SECISBP2: variants seen among roughly 807,000 people sequenced by gnomAD.
The protein encoded by SECISBP2 is SECIS binding protein 2, also known as selenocysteine insertion sequence-binding protein 2.
In SECISBP2, 96 loss-of-function variants were observed where a neutral mutation model predicts 98.2. The ratio of observed to expected loss-of-function variants is 0.98; its 90% CI spans 0.83 to 1.16. The LOEUF is 1.16. Ranked by LOEUF, SECISBP2 falls within the 50% of genes most tolerant of loss-of-function variation. The pLI is 0.00. For synonymous variants in SECISBP2, 407 were observed against 370.2 expected, an observed-to-expected ratio of 1.10 and a Z score of -1.14; for missense variants, 1,046 against 1,022.9, an observed-to-expected ratio of 1.02 and a Z score of -0.31.
intron 2 of SECISBP2, among the ~76,000 whole-genome samples, chr9:89,320,355 CAAAAAAAAAAAAAA>C (rs776426275): frequency 7.7e-5 from 4 of 51,960 alleles, no homozygotes; most frequent in African/African-American, 1.9e-4. Context: ...GACTCTGTCT[CAAAAAAAAAAAAAA>C]AAAAAAAAAA....
chr9:89,357,406 A>G lies in SECISBP2; in HGVS notation c.2114-5A>G. 6.2e-7 allele frequency: 1 copy of G among 1,614,098 alleles called. No individual in the cohort carries two copies. Among genetic ancestry groups the G allele is most frequent in the Non-Finnish European group, 8.5e-7 (1 of 1,180,040 alleles). On this transcript the variant is annotated splice_region_variant and splice_polypyrimidine_tract_variant and intron_variant, in intron 14 of 16. Transcript: ENST00000375807. The stretch of plus-strand genomic sequence containing the variant: ...TCCTGTCATTTTTCATTGTCCTTTG[A>G]CCAGGTGGGCTGGATGACACTTTGC...
Position 89,319,767 on chromosome 9 carries a change from A to G in SECISBP2, c.152A>G (p.Tyr51Cys), listed in dbSNP as rs1338930701. The change falls in exon 2 of 17, where the codon TAT becomes TGT. Residue 51 changes from tyrosine to cysteine, a missense_variant. Coordinates refer to ENST00000375807, the MANE Select transcript of SECISBP2 (RefSeq NM_024077.5). ...CVFPSSAATY[Y>C]PFVQEPPVTE... ...TTCCCCAGCTCTGCAGCCACATACT[A>G]TCCGTTTGTTCAGGAACCACCAGTG... 2 of 1,614,024 alleles carry G rather than the reference A, an allele frequency of 1.2e-6. No individual in the cohort carries two copies. Among genetic ancestry groups the G allele is most frequent in the African/African-American group, 1.3e-5 (1 of 74,904 alleles).
chr9:89,349,814 G>A lies in SECISBP2; in HGVS notation c.1777G>A (p.Val593Ile). Reference protein sequence around the residue: ...GMDELISTPSVEDKSEEPPGT... With the variant: ...GMDELISTPSIEDKSEEPPGT... ...GGACGAACTGATCTCCACTCCTTCGGTTGAGGACAAGTCTGAAGAGCCACC... is the reference window on the plus strand; with the variant it reads ...GGACGAACTGATCTCCACTCCTTCGATTGAGGACAAGTCTGAAGAGCCACC... Residue 593 changes from valine to isoleucine, a missense_variant, in exon 13 of 17, where the codon GTT becomes ATT. Val to Ile is a conservative substitution (Grantham distance 29, BLOSUM62 3). Coordinates refer to ENST00000375807, the MANE Select transcript of SECISBP2 (RefSeq NM_024077.5). The A allele has an allele frequency of 6.2e-7, 1 of 1,614,212 alleles. No individual in the cohort carries two copies. The highest frequency in any genetic ancestry group is 8.5e-7 in the Non-Finnish European group (1 of 1,180,040).
chr9:89,328,917 T>C, intron 5 of SECISBP2, 31 bp downstream of exon 5: 1 of 1,516,012 alleles, frequency 6.6e-7, no homozygotes. Context: ...TTTTTCTTTT[T>C]CCTTTGTACA....
intron 2 of SECISBP2, among the ~76,000 whole-genome samples, chr9:89,320,499 G>C (rs2131522534): frequency 6.6e-6 from 1 of 152,212 alleles, no homozygotes; most frequent in East Asian, 1.9e-4. Flanking sequence ...TCCTTTTTAA[G>C]GTTAACATTT....
downstream of SECISBP2, chr9:89,363,816 C>T (rs147231520): frequency 1.3e-4 from 214 of 1,614,086 alleles, no homozygotes; most frequent in African/African-American, 2.2e-3. Context: ...CGATACTCAG[C>T]GCTTTCCCTG....
downstream of SECISBP2, chr9:89,362,192 A>T (rs117120897): frequency 0.011 from 7,586 of 711,094 alleles, 162 homozygotes; most frequent in South Asian, 0.059. Flanking sequence ...TTTAAGTCTT[A>T]GTTCCTGTCA....
intron 15 of SECISBP2, among the ~76,000 whole-genome samples, 172 bp from the exon 16 acceptor site, chr9:89,357,827 C>T (rs1355606326): frequency 6.6e-6 from 1 of 152,146 alleles, no homozygotes; most frequent in East Asian, 1.9e-4. Context: ...AAGAAGTCGG[C>T]CTAGCCCACT....
chr9:89,335,170 C>T (rs986222478), intron 7 of SECISBP2, among the ~76,000 whole-genome samples: 6 of 148,166 alleles, frequency 4.0e-5, no homozygotes, highest in Non-Finnish European at 7.4e-5. Flanking sequence ...GAGCCAAGAT[C>T]GCACCAGTGC....
chr9:89,341,529 T>C, intron 10 of SECISBP2, 50 bp downstream of exon 10: 1 of 1,604,750 alleles, frequency 6.2e-7, no homozygotes, highest in South Asian at 1.1e-5. Flanking sequence ...CTTTTTCAGC[T>C]AGATTATTAT....
chr9:89,338,433 T>A, intron 7 of SECISBP2, 25 bp from the exon 8 acceptor site: 1 of 1,612,450 alleles, frequency 6.2e-7, no homozygotes, highest in Non-Finnish European at 8.5e-7. Flanking sequence ...AAAACAGGAT[T>A]TTTTGCTTTG....
chr9:89,351,198 C>G (rs1185110210), intron 14 of SECISBP2, among the ~76,000 whole-genome samples: 1 of 152,202 alleles, frequency 6.6e-6, no homozygotes. Flanking sequence ...TGCCTGGCAG[C>G]CAGGCAGTAC....
chr9:89,353,263 G>A (rs920635849), intron 14 of SECISBP2, among the ~76,000 whole-genome samples: 5 of 152,178 alleles, frequency 3.3e-5, no homozygotes, highest in African/African-American at 1.2e-4. Context: ...GAGAACTTCT[G>A]CTGTAGGATG....
intron 14 of SECISBP2, among the ~76,000 whole-genome samples, chr9:89,353,376 G>A (rs1831578592): frequency 6.6e-6 from 1 of 152,152 alleles, no homozygotes; most frequent in Admixed American, 6.5e-5. Flanking sequence ...CTGCCTGGAG[G>A]GACAGGCGAA....
At chr9:89,353,493 A>G (rs1831599011) in intron 14 of SECISBP2, among the ~76,000 whole-genome samples, 1 of 152,184 alleles carries the variant, frequency 6.6e-6, no homozygotes, top group Admixed American at 6.5e-5. Context: ...GGGGCTGGAC[A>G]CCGAGTTGCC....
In SECISBP2 at chr9:89,325,587, C is replaced by T; in HGVS notation, c.343C>T (p.Gln115Ter). The part of the protein sequence containing the change: ...SVPGSQYLYN[Q>*]PSCYRGFQTV... The stretch of plus-strand genomic sequence containing the variant: ...GCCTGGCTCCCAGTATCTTTATAAC[C>T]AACCCAGTTGTTACCGAGGTTTTCA... The change falls in exon 3 of 17, where the codon CAA becomes TAA. Residue 115 changes from glutamine (Q) to a stop codon, truncating the protein, a stop_gained. Coordinates refer to ENST00000375807, the MANE Select transcript of SECISBP2 (RefSeq NM_024077.5). LOFTEE classifies it high-confidence loss of function. The T allele has an allele frequency of 1.2e-6, 2 of 1,614,110 alleles. No individual in the cohort carries two copies. Among genetic ancestry groups the T allele is most frequent in the African/African-American group, 2.7e-5 (2 of 75,036 alleles).
At chr9:89,335,148 G>A (rs1226557241) in intron 7 of SECISBP2, among the ~76,000 whole-genome samples, 15 of 151,106 alleles carry the variant, frequency 9.9e-5, no homozygotes, top group African/African-American at 1.7e-4. Context: ...CCCGGGAGGC[G>A]GAGCTTGTAG....
downstream of SECISBP2, chr9:89,360,897 C>G (rs1463590141): frequency 1.3e-5 from 2 of 152,192 alleles, no homozygotes; most frequent in Admixed American, 6.5e-5. Flanking sequence ...ACGAAAACTT[C>G]AAGTATGTAA....
chr9:89,346,808 G>A (rs2131923684), intron 10 of SECISBP2, 74 bp from the exon 11 acceptor site: 1 of 1,578,458 alleles, frequency 6.3e-7, no homozygotes, highest in East Asian at 2.2e-5. Context: ...GCAGCCCCTG[G>A]GCGAGCTGCG....
Sources: allele counts gnomAD v4.1 joint callset (sites outside exome capture counted in the v4.1 genomes callset), GRCh38; gene constraint gnomAD v4.1.1; transcripts MANE v1.5; gene names NCBI Gene and HGNC (gene_info 2026-07-23, HGNC 2026-07-21).